The following TUSC3 variants were observed in gnomAD, a reference collection of about 807,000 sequenced individuals.
TUSC3 encodes the protein dolichyl-diphosphooligosaccharide--protein glycosyltransferase subunit TUSC3.
A neutral mutation model predicts 44.8 loss-of-function variants in TUSC3; 45 were observed. That is an observed-to-expected ratio of 1.00 (90% CI 0.79 to 1.29). The LOEUF (loss-of-function observed/expected upper bound fraction) is 1.29. Ranked by LOEUF, TUSC3 falls within the 50% of genes most tolerant of loss-of-function variation. TUSC3 has a pLI of 0.00. For synonymous variants in TUSC3, 212 were observed against 152.9 expected (o/e 1.39, Z -2.85); for missense variants, 519 against 437.9 (o/e 1.19, Z -1.65).
intron 2 of TUSC3, among the ~76,000 whole-genome samples, chr8:15,484,765 G>A (rs140035465): frequency 2.4e-4 from 37 of 152,210 alleles, no homozygotes; most frequent in African/African-American, 8.9e-4. Context: ...AATATTCAGA[G>A]GGGACAAATG....
intron 2 of TUSC3, among the ~76,000 whole-genome samples, chr8:15,494,972 T>C (rs748292379): frequency 1.3e-4 from 20 of 152,328 alleles, no homozygotes; most frequent in Admixed American, 8.5e-4. Flanking sequence ...GTGTACTCAA[T>C]GTTTAGCTCC....
intron 1 of TUSC3, among the ~76,000 whole-genome samples, chr8:15,560,275 C>T (rs1285168304): frequency 2.4e-4 from 34 of 144,242 alleles, no homozygotes; most frequent in African/African-American, 3.3e-4. Flanking sequence ...CTTAGTTTGG[C>T]TGGATATGAA....
chr8:15,751,527 C>A (rs1376842484), intron 9 of TUSC3, among the ~76,000 whole-genome samples: 1 of 152,110 alleles, frequency 6.6e-6, no homozygotes, highest in Non-Finnish European at 1.5e-5. Context: ...AAGTGATTGG[C>A]TAAGTTTTTC....
chr8:15,649,596 A>G (rs1286059377), intron 2 of TUSC3, among the ~76,000 whole-genome samples: 3 of 151,988 alleles, frequency 2.0e-5, no homozygotes, highest in African/African-American at 7.2e-5. Flanking sequence ...AAGAAAAAAA[A>G]AAAAAAAAGT....
intron 2 of TUSC3, among the ~76,000 whole-genome samples, chr8:15,650,184 GA>G (rs1442681212): frequency 6.6e-6 from 1 of 152,280 alleles, no homozygotes; most frequent in East Asian, 1.9e-4. Flanking sequence ...TAAATGGAAT[GA>G]ATAAGGTGGA....
chr8:15,826,741 G>A, the TUSC3 span, among the ~76,000 whole-genome samples: 25 of 150,792 alleles, frequency 1.7e-4, no homozygotes, highest in African/African-American at 5.9e-4. Flanking sequence ...AAGAGGAATG[G>A]GGAGGCTTTA....
At chr8:15,660,216 A>G (rs1215682640) in intron 4 of TUSC3, among the ~76,000 whole-genome samples, 1 of 152,052 alleles carries the variant, frequency 6.6e-6, no homozygotes, top group Non-Finnish European at 1.5e-5. Context: ...TTTTATTGGG[A>G]AAAATTGAAT....
chr8:15,446,476 G>A (rs1411609278), intron 1 of TUSC3, among the ~76,000 whole-genome samples: 3 of 152,014 alleles, frequency 2.0e-5, no homozygotes, highest in Admixed American at 6.5e-5. Flanking sequence ...CTGCAATCCC[G>A]GCACCTCAGG....
chr8:15,540,259 T>G, upstream of TUSC3: 1 of 918,074 alleles, frequency 1.1e-6, no homozygotes. Flanking sequence ...CCGGATGCTC[T>G]GTCAGTCTCC....
chr8:15,419,788 A>T (rs1799715682), intron 1 of TUSC3, among the ~76,000 whole-genome samples: 1 of 152,226 alleles, frequency 6.6e-6, no homozygotes, highest in African/African-American at 2.4e-5. Flanking sequence ...GGTGTTTAAT[A>T]TTAGCTATTT....
At chr8:15,851,442 A>T in the TUSC3 span, among the ~76,000 whole-genome samples, 3 of 152,178 alleles carry the variant, frequency 2.0e-5, no homozygotes, top group Non-Finnish European at 4.4e-5. Context: ...ATTACAGTGA[A>T]TTATTTATAT....
intron 6 of TUSC3, among the ~76,000 whole-genome samples, chr8:15,719,514 C>T (rs994253781): frequency 7.4e-6 from 1 of 134,384 alleles, no homozygotes; most frequent in Non-Finnish European, 1.5e-5. Flanking sequence ...CACACACACA[C>T]ACCACACACA....
chr8:15,760,643 A>G (rs1456052633), intron 10 of TUSC3, among the ~76,000 whole-genome samples: 4 of 152,186 alleles, frequency 2.6e-5, no homozygotes, highest in Non-Finnish European at 4.4e-5. Flanking sequence ...ATCAGTGCCT[A>G]TGAATAAAGT....
At chr8:15,420,495 C>A (rs560167575) in intron 1 of TUSC3, among the ~76,000 whole-genome samples, 3 of 150,646 alleles carry the variant, frequency 2.0e-5, no homozygotes, top group Non-Finnish European at 2.9e-5. Flanking sequence ...GAGACTCTGT[C>A]TCATAAAGAA....
At chr8:15,442,265 T>G (rs567923698) in intron 1 of TUSC3, among the ~76,000 whole-genome samples, 1 of 152,264 alleles carries the variant, frequency 6.6e-6, no homozygotes, top group African/African-American at 2.4e-5. Context: ...TTTATAATTT[T>G]AAGTTACATT....
At chr8:15,526,445 C>T (rs1563274500) in intron 2 of TUSC3, among the ~76,000 whole-genome samples, 1 of 152,152 alleles carries the variant, frequency 6.6e-6, no homozygotes, top group Non-Finnish European at 1.5e-5. Context: ...GCATCTTGAA[C>T]TGTAGCTCCA....
chr8:15,538,499 A>G (rs923663048), upstream of TUSC3, among the ~76,000 whole-genome samples: 5 of 152,236 alleles, frequency 3.3e-5, no homozygotes, highest in African/African-American at 1.2e-4. Context: ...CTGTAGAGCC[A>G]GACTGTCAAT....
intron 6 of TUSC3, among the ~76,000 whole-genome samples, chr8:15,727,445 A>G (rs1029231379): frequency 6.6e-6 from 1 of 152,220 alleles, no homozygotes; most frequent in Non-Finnish European, 1.5e-5. Context: ...ATTTTTTCCT[A>G]TAACTGCTGG....
At chr8:15,511,903 G>T (rs1585071236) in intron 2 of TUSC3, among the ~76,000 whole-genome samples, 1 of 151,942 alleles carries the variant, frequency 6.6e-6, no homozygotes, top group Admixed American at 6.6e-5. Context: ...ATGGAGCATG[G>T]ATCAGTAGAC....
Sources: gnomAD v4.1 joint callset for allele counts (sites outside exome capture counted in the v4.1 genomes callset) on GRCh38, gnomAD v4.1.1 for gene constraint, MANE v1.5 for transcripts, NCBI Gene and HGNC (gene_info 2026-07-23, HGNC 2026-07-21) for gene names.